Variants in ZSCAN10 observed in about 807,000 individuals in gnomAD.
ZSCAN10 encodes the protein zinc finger and SCAN domain containing 10, also known as zinc finger and SCAN domain-containing protein 10.
In ZSCAN10, 52 loss-of-function variants were observed where a neutral mutation model predicts 63.7. The ratio of observed to expected loss-of-function variants is 0.82; its 90% CI spans 0.65 to 1.03. The LOEUF is 1.03. Ranked by LOEUF, ZSCAN10 falls within the 50% of genes least tolerant of loss-of-function variation. The pLI is 0.00. For missense variants in ZSCAN10, 1,223 were observed against 1,103.8 expected (o/e 1.11, Z -1.53); for synonymous variants, 544 against 479.6 (o/e 1.13, Z -1.76).
chr16:3,092,662 G>T lies in ZSCAN10; in HGVS notation c.276C>A (p.Phe92Leu). The change falls in exon 2 of 6, where the codon TTC becomes TTA. Residue 92 changes from phenylalanine (F) to leucine (L), a missense_variant. Transcript: ENST00000576985. Reference protein sequence around the residue: ...QILELLVLEQFLSVLPPHLLG... With the variant: ...QILELLVLEQLLSVLPPHLLG... Reference sequence around the variant, plus strand: ...GGAGGTGCGGAGGCAGCACACTCAGGAACTGCTCCAGCACCAGCAGCTCCA... The same window carrying T: ...GGAGGTGCGGAGGCAGCACACTCAGTAACTGCTCCAGCACCAGCAGCTCCA... The T allele has an allele frequency of 6.2e-7, 1 of 1,613,264 alleles. No individual in the cohort carries two copies. The highest frequency in any genetic ancestry group is 8.5e-7 in the Non-Finnish European group (1 of 1,179,878).
At chr16:3,095,906 A>G (rs1348114204) in intron 1 of ZSCAN10, among the ~76,000 whole-genome samples, 1 of 151,916 alleles carries the variant, frequency 6.6e-6, no homozygotes, top group African/African-American at 2.4e-5. Flanking sequence ...TGAGGTGGGA[A>G]GATTGCTTGA....
Position 3,090,585 on chromosome 16 carries a change from G to A in ZSCAN10, c.849C>T (p.Ala283=), listed in dbSNP as rs777753058. Residue 283 remains alanine (A), a synonymous_variant, in exon 6 of 6, where the codon GCC becomes GCT. Coordinates refer to ENST00000576985, the MANE Select transcript of ZSCAN10 (RefSeq NM_032805.3). ...EFKQEEPKGA[A]WPTPILAESQ... is the part of the protein sequence containing the mutation. ...ACTCTGCTAAGATGGGAGTGGGCCA[G>A]GCAGCCCCTTTGGGCTCTTCTTGTT... 1.3e-6 allele frequency: 2 copies of A among 1,579,630 alleles called. No individual in the cohort carries two copies. Among genetic ancestry groups the A allele is most frequent in the Admixed American group, 1.8e-5 (1 of 54,334 alleles).
At chr16:3,098,553 T>G (rs1311967508) in intron 1 of ZSCAN10, among the ~76,000 whole-genome samples, 2 of 152,060 alleles carry the variant, frequency 1.3e-5, no homozygotes, top group Non-Finnish European at 2.9e-5. Context: ...CCAGGTGAGA[T>G]CTCTCCAAAA....
In ZSCAN10 at chr16:3,090,269, A is replaced by C. The variant is rs772825790; in HGVS notation, c.1165T>G (p.Ser389Ala). 16 of 1,608,736 alleles carry C rather than the reference A, an allele frequency of 9.9e-6. No individual in the cohort carries two copies. Among genetic ancestry groups the C allele is most frequent in the East Asian group, 4.5e-5 (2 of 44,848 alleles). ...GTGCGCATGTGCAGCTTGAGAATGG[A>C]GCTGCGGCCGAAGCTCTTCCCGCAG... ...LCCGKSFGRS[S>A]ILKLHMRTHT... Residue 389 changes from serine (S) to alanine (A), a missense_variant, in exon 6 of 6, where the codon TCC (serine) becomes GCC (alanine). By Grantham distance (99) the Ser-to-Ala change is moderately conservative. Transcript: ENST00000576985.
At chr16:3,093,626 A>C (rs1195319791) in intron 1 of ZSCAN10, among the ~76,000 whole-genome samples, 1 of 151,412 alleles carries the variant, frequency 6.6e-6, no homozygotes, top group Non-Finnish European at 1.5e-5. Context: ...CACTGGGAGC[A>C]CATGGCACCA....
In ZSCAN10 at chr16:3,088,955, C is replaced by T; in HGVS notation, c.*136G>A. ...TAGCTGAGGCCAGAAAGCAATGCCT[C>T]GGCCAGGGAAGGACAGCTGTGAAAG... On this transcript the variant is annotated 3_prime_UTR_variant, in exon 6 of 6. Coordinates refer to ENST00000576985, the MANE Select transcript of ZSCAN10 (RefSeq NM_032805.3). 7.3e-7 allele frequency: 1 copy of T among 1,362,598 alleles called. No individual in the cohort carries two copies. Among genetic ancestry groups the T allele is most frequent in the Non-Finnish European group, 9.4e-7 (1 of 1,062,212 alleles). 84.4% of individuals were successfully genotyped at this position (1,362,598 alleles called of 1,614,324 possible). A position where few individuals can be genotyped will look rare whatever the true frequency, so the allele number is the denominator to read the frequency against.
rs34786703 is a variant in ZSCAN10 at position 3,096,928 on chromosome 16, CAAAAAAAA to C, written c.-68+2254_-68+2261del. ...TGGGCGACAGAATTAGACTCTGCCT[CAAAAAAAA>C]AAAAAAAAAAATTATCCGGGCATGG... On this transcript the variant is annotated intron_variant, in intron 1 of 5. Transcript: ENST00000576985. Among the ~76,000 whole-genome samples, 7 of 105,196 alleles carry C rather than the reference CAAAAAAAA, an allele frequency of 6.7e-5. No homozygotes were observed. The Admixed American group carries it at 7.2e-4, about 11-fold the overall frequency. The allele number at this position is 105,196 out of a possible 152,430, so 69.0% of individuals were successfully genotyped here.
chr16:3,096,596 A>G (rs1249319128), intron 1 of ZSCAN10: 1 of 152,162 alleles, frequency 6.6e-6, no homozygotes, highest in African/African-American at 2.4e-5. Context: ...CCCATCACTG[A>G]CCCATTCTAC....
chr16:3,091,440 G>A, intron 5 of ZSCAN10, 100 bp downstream of exon 5: 3 of 1,350,676 alleles, frequency 2.2e-6, no homozygotes, highest in Middle Eastern at 2.2e-4. Flanking sequence ...GCCCAGGAGT[G>A]GAGACTAGCC....
Position 3,090,350 on chromosome 16 carries a change from G to A in ZSCAN10, c.1084C>T (p.Leu362=). The A allele has an allele frequency of 6.2e-7, 1 of 1,611,932 alleles. No homozygotes were observed. The highest frequency in any genetic ancestry group is 8.5e-7 in the Non-Finnish European group (1 of 1,179,160). ...TGCGAGCGCAGCTGGTGCGCCTTCAGGCGAGACAGCTGCGGGAAGCTCACC... is the reference window on the plus strand; with the variant it reads ...TGCGAGCGCAGCTGGTGCGCCTTCAAGCGAGACAGCTGCGGGAAGCTCACC... The part of the protein sequence containing the change: ...CGVSFPQLSR[L]KAHQLRSHPA... The change falls in exon 6 of 6, where the codon CTG becomes TTG. Residue 362 remains leucine (L), a synonymous_variant. Transcript: ENST00000576985.
At position 3,089,229 on chromosome 16, in the gene ZSCAN10, G is replaced by A. The variant is rs781150484; in HGVS notation, c.2205C>T (p.Arg735=). Residue 735 remains arginine (R), a synonymous_variant, in exon 6 of 6, where the codon CGC becomes CGT. Coordinates refer to ENST00000576985, the MANE Select transcript of ZSCAN10 (RefSeq NM_032805.3). ...ECVECGKSFS[R]SCNLLRHLLV... is the part of the protein sequence containing the mutation. The stretch of plus-strand genomic sequence containing the variant: ...GCAGGTGTCGCAGCAGATTGCAGCT[G>A]CGGCTGAAGCTCTTCCCGCACTCCA... 3 of 1,581,422 alleles carry A rather than the reference G, an allele frequency of 1.9e-6. No homozygotes were observed. The highest frequency in any genetic ancestry group is 1.7e-6 in the Non-Finnish European group (2 of 1,171,168).
In ZSCAN10 at chr16:3,091,086, CAAAA is replaced by C. The variant is rs141784556; in HGVS notation, c.788-444_788-441del. 4.8e-3 allele frequency among the ~76,000 whole-genome samples: 731 copies of C among 151,902 alleles called. 9 individuals carry two copies. The highest frequency in any genetic ancestry group is 0.017 in the African/African-American group (700 of 41,426). On this transcript the variant is annotated intron_variant, in intron 5 of 5. Coordinates refer to ENST00000576985, the MANE Select transcript of ZSCAN10 (RefSeq NM_032805.3). ...CTCTGTCTGAAAACAAACAAACAAACAAAAAAACCTGGTAGGTTGGTAGAGAGGG... is the reference window on the plus strand; with the variant it reads ...CTCTGTCTGAAAACAAACAAACAAACAAACCTGGTAGGTTGGTAGAGAGGG...
At chr16:3,091,059 GACTCTGTCTGAAAAC>G (rs776439943) in intron 5 of ZSCAN10, among the ~76,000 whole-genome samples, 6 of 152,046 alleles carry the variant, frequency 3.9e-5, no homozygotes, top group Non-Finnish European at 7.4e-5. Context: ...AACACAGTGA[GACTCTGTCTGAAAAC>G]AAACAAACAA....
chr16:3,093,317 G>A (rs550334923), intron 1 of ZSCAN10: 1 of 160,058 alleles, frequency 6.2e-6, no homozygotes, highest in East Asian at 1.8e-4. Context: ...CACGAGGTCA[G>A]GATATCGAGA....
chr16:3,089,429 G>A lies in ZSCAN10; in HGVS notation c.2005C>T (p.His669Tyr), dbSNP rs1957032731. ...AGGTTGGAGCTATTGCGGAAACGGTGGCCGCAGGTGTCGCAGGCGTGGGGC... is the reference window on the plus strand; with the variant it reads ...AGGTTGGAGCTATTGCGGAAACGGTAGCCGCAGGTGTCGCAGGCGTGGGGC... ...EKPHACDTCG[H>Y]RFRNSSNLAR... Residue 669 changes from histidine to tyrosine, a missense_variant, in exon 6 of 6, where the codon CAC becomes TAC. Transcript: ENST00000576985. The A allele has an allele frequency of 1.2e-6, 2 of 1,603,480 alleles. No individual in the cohort carries two copies. The highest frequency in any genetic ancestry group is 1.1e-5 in the South Asian group (1 of 90,804).
At position 3,092,087 on chromosome 16, in the gene ZSCAN10, G is replaced by C. The variant is rs752756761; in HGVS notation, c.626C>G (p.Pro209Arg). The C allele has an allele frequency of 1.9e-6, 3 of 1,591,838 alleles. No individual in the cohort carries two copies. Among genetic ancestry groups the C allele is most frequent in the East Asian group, 4.5e-5 (2 of 44,622 alleles). ...LPPSSKQPLS[P>R]GPQKTFQALQ... ...GGCCTGGAATGTCTTCTGGGGCCCCGGGCTCAGCGGCTGCTTTGAACTTGG... is the reference window on the plus strand; with the variant it reads ...GGCCTGGAATGTCTTCTGGGGCCCCCGGCTCAGCGGCTGCTTTGAACTTGG... Residue 209 changes from proline (P) to arginine (R), a missense_variant, in exon 3 of 6, where the codon CCG becomes CGG. Transcript: ENST00000576985.
Position 3,092,980 on chromosome 16 carries a change from G to C in ZSCAN10, c.-43C>G. On this transcript the variant is annotated 5_prime_UTR_variant, in exon 2 of 6. Transcript: ENST00000576985. ...CCTCCCTAACGCCAGCCCCGCTCTT[G>C]GGTCTCTCTCCTCTCCTCCCACACC... 7.2e-7 allele frequency: 1 copy of C among 1,398,142 alleles called. No homozygotes were observed. The highest frequency in any genetic ancestry group is 1.6e-5 in the South Asian group (1 of 61,234). The allele number at this position is 1,398,142 out of a possible 1,614,324, so 86.6% of individuals were successfully genotyped here.
rs560298599 is a variant in ZSCAN10 at position 3,089,562 on chromosome 16, G to A, written c.1872C>T (p.His624=). The A allele has an allele frequency of 9.4e-6, 15 of 1,596,056 alleles. No individual in the cohort carries two copies. The South Asian group carries it at 1.5e-4, about 15-fold the overall frequency. ...SFGQTQDLAR[H]QRSHTGEKPC... ...GCTTCTCGCCCGTGTGGCTGCGCTG[G>A]TGGCGGGCCAGATCCTGGGTCTGGC... The change falls in exon 6 of 6, where the codon CAC becomes CAT. Residue 624 remains histidine, a synonymous_variant. Coordinates refer to ENST00000576985, the MANE Select transcript of ZSCAN10 (RefSeq NM_032805.3).
intron 1 of ZSCAN10, among the ~76,000 whole-genome samples, chr16:3,095,344 C>A (rs956517503): frequency 6.6e-6 from 1 of 151,858 alleles, no homozygotes; most frequent in Admixed American, 6.6e-5. Flanking sequence ...GGTGAAACCC[C>A]GTCTCTACTA....
Sources: allele counts gnomAD v4.1 joint callset (sites outside exome capture counted in the v4.1 genomes callset), GRCh38; gene constraint gnomAD v4.1.1; transcripts MANE v1.5; gene names NCBI Gene and HGNC (gene_info 2026-07-23, HGNC 2026-07-21).